The following COL25A1 variants were observed in gnomAD, a reference collection of about 807,000 sequenced individuals.
COL25A1 encodes the protein collagen type XXV alpha 1 chain.
Under a neutral mutation model 128.4 loss-of-function variants are expected in COL25A1, and 103 were observed. The observed-to-expected ratio is 0.80, with a 90% CI of 0.68 to 0.94. The LOEUF is 0.94. COL25A1 is among the 40% of genes least tolerant of loss of function. The probability of loss-of-function intolerance (pLI) is 0.00; values close to 1 mark genes in which losing one functional copy is unlikely to be tolerated. For missense variants in COL25A1, 745 were observed against 840.0 expected (o/e 0.89, Z 1.40); for synonymous variants, 279 against 277.2 (o/e 1.01, Z -0.06).
intron 3 of COL25A1, among the ~76,000 whole-genome samples, chr4:109,120,975 T>C (rs1164878974): frequency 1.3e-5 from 2 of 152,094 alleles, no homozygotes; most frequent in African/African-American, 4.8e-5. Context: ...TGGAGAGACA[T>C]TCCATATTCA....
At chr4:109,126,254 G>A (rs778151262) in intron 3 of COL25A1, among the ~76,000 whole-genome samples, 7 of 152,178 alleles carry the variant, frequency 4.6e-5, no homozygotes, top group Non-Finnish European at 7.4e-5. Context: ...AAAGACAAAC[G>A]TAGTCATCAG....
intron 8 of COL25A1, among the ~76,000 whole-genome samples, chr4:108,954,855 A>T (rs1749877240): frequency 6.6e-6 from 1 of 152,114 alleles, no homozygotes. Flanking sequence ...AACCATAACT[A>T]ATCAAGACCA....
At chr4:109,020,205 T>C (rs911307516) in intron 5 of COL25A1, among the ~76,000 whole-genome samples, 1 of 152,224 alleles carries the variant, frequency 6.6e-6, no homozygotes, top group Non-Finnish European at 1.5e-5. Flanking sequence ...CCAAGAACTC[T>C]TATACACTTG....
intron 3 of COL25A1, among the ~76,000 whole-genome samples, chr4:109,070,867 A>G (rs1762901953): frequency 6.6e-6 from 1 of 151,908 alleles, no homozygotes; most frequent in Non-Finnish European, 1.5e-5. Flanking sequence ...ACACGAGCTC[A>G]TCCTTTTTTA....
intron 3 of COL25A1, among the ~76,000 whole-genome samples, chr4:109,073,202 TGGA>T (rs1168238185): frequency 2.6e-5 from 4 of 152,158 alleles, no homozygotes; most frequent in Non-Finnish European, 5.9e-5. Flanking sequence ...GGAGGCATGG[TGGA>T]GGGAGAGAAA....
chr4:109,137,003 C>T (rs1769842750), intron 3 of COL25A1, among the ~76,000 whole-genome samples: 1 of 152,224 alleles, frequency 6.6e-6, no homozygotes, highest in African/African-American at 2.4e-5. Context: ...CCCTGGTTGA[C>T]ACCTTGATTG....
chr4:108,911,135 A>G (rs985064486), intron 13 of COL25A1, among the ~76,000 whole-genome samples: 4 of 152,180 alleles, frequency 2.6e-5, no homozygotes, highest in African/African-American at 9.6e-5. Context: ...TATTGATTTA[A>G]TATCTTACTG....
chr4:108,863,305 T>TAAG lies in COL25A1; in HGVS notation c.1152+11_1152+13dup. On this transcript the variant is annotated intron_variant, in intron 21 of 37. Coordinates refer to ENST00000399132, the MANE Select transcript of COL25A1 (RefSeq NM_198721.4). ...GCCAGAGAATGGTTATTTTCCAGTT[T>TAAG]AAGAATAACTCACCTTTGGTCCGGG... is the stretch of plus-strand genomic sequence containing the variant. The TAAG allele has an allele frequency of 6.2e-7, 1 of 1,611,634 alleles. No homozygotes were observed. The highest frequency in any genetic ancestry group is 8.5e-7 in the Non-Finnish European group (1 of 1,177,924).
chr4:108,924,015 A>T (rs1745760175), intron 11 of COL25A1, among the ~76,000 whole-genome samples: 1 of 152,198 alleles, frequency 6.6e-6, no homozygotes, highest in African/African-American at 2.4e-5. Flanking sequence ...AAAAACTGTA[A>T]CATACAGAAT....
At chr4:108,889,995 C>T (rs763234733) in intron 16 of COL25A1, among the ~76,000 whole-genome samples, 1 of 152,216 alleles carries the variant, frequency 6.6e-6, no homozygotes, top group Non-Finnish European at 1.5e-5. Flanking sequence ...GTTTACTTCA[C>T]ATGCAGATAC....
chr4:109,174,748 A>T (rs945642064), intron 3 of COL25A1, among the ~76,000 whole-genome samples: 2 of 152,180 alleles, frequency 1.3e-5, no homozygotes. Flanking sequence ...TAAAACAGCA[A>T]CTTTATTGAC....
intron 3 of COL25A1, among the ~76,000 whole-genome samples, chr4:109,139,874 C>T (rs975824361): frequency 2.0e-5 from 3 of 147,930 alleles, no homozygotes; most frequent in African/African-American, 5.0e-5. Flanking sequence ...CTTCCTGTGT[C>T]CATGTGTTCT....
chr4:109,246,238 G>T (rs926921528), intron 3 of COL25A1, among the ~76,000 whole-genome samples: 6 of 152,060 alleles, frequency 3.9e-5, no homozygotes, highest in Non-Finnish European at 7.4e-5. Flanking sequence ...TTACATGTAA[G>T]TGCCAATATC....
intron 3 of COL25A1, among the ~76,000 whole-genome samples, chr4:109,145,239 T>C (rs1401101830): frequency 1.3e-5 from 2 of 152,058 alleles, no homozygotes; most frequent in East Asian, 3.9e-4. Flanking sequence ...AGCTAATTTA[T>C]TGTATTTTTA....
chr4:109,077,055 T>G (rs1199239083), intron 3 of COL25A1, among the ~76,000 whole-genome samples: 1 of 152,066 alleles, frequency 6.6e-6, no homozygotes, highest in East Asian at 1.9e-4. Flanking sequence ...ACCTCTGCAG[T>G]AAAGGGTCCT....
chr4:109,203,625 T>C (rs1402497044), intron 3 of COL25A1, among the ~76,000 whole-genome samples: 2 of 152,138 alleles, frequency 1.3e-5, no homozygotes, highest in Non-Finnish European at 2.9e-5. Flanking sequence ...AAAAGAATCC[T>C]ACAGGTTGTC....
intron 24 of COL25A1, among the ~76,000 whole-genome samples, chr4:108,856,468 C>A (rs1736518677): frequency 6.6e-6 from 1 of 152,096 alleles, no homozygotes; most frequent in Non-Finnish European, 1.5e-5. Flanking sequence ...ACCTGCAAAA[C>A]TGTAAATATC....
At chr4:109,059,251 G>C (rs1265351882) in intron 3 of COL25A1, among the ~76,000 whole-genome samples, 1 of 152,204 alleles carries the variant, frequency 6.6e-6, no homozygotes, top group African/African-American at 2.4e-5. Flanking sequence ...ATTTTGGAAA[G>C]TGATGATATA....
intron 3 of COL25A1, among the ~76,000 whole-genome samples, chr4:109,152,158 T>C (rs1377721193): frequency 1.3e-5 from 2 of 151,438 alleles, no homozygotes; most frequent in Non-Finnish European, 2.9e-5. Context: ...TACTTTCAAG[T>C]GTATGTATTA....
Sources: allele counts gnomAD v4.1 joint callset (sites outside exome capture counted in the v4.1 genomes callset), GRCh38; gene constraint gnomAD v4.1.1; transcripts MANE v1.5; gene names NCBI Gene and HGNC (gene_info 2026-07-23, HGNC 2026-07-21).